NPHP4: variants seen among roughly 807,000 people sequenced by gnomAD.
NPHP4 encodes nephrocystin-4.
A neutral mutation model predicts 155.8 loss-of-function variants in NPHP4; 151 were observed. That is an observed-to-expected ratio of 0.97 (90% CI 0.85 to 1.11). The LOEUF (loss-of-function observed/expected upper bound fraction) is 1.11, where lower values mean the gene tolerates loss of function less well. NPHP4 is among the 50% of genes least tolerant of loss of function. NPHP4 has a pLI of 0.00. For synonymous variants in NPHP4, 845 were observed against 816.8 expected (o/e 1.03, Z -0.59); for missense variants, 1,956 against 1,925.7 (o/e 1.02, Z -0.29).
intron 11 of NPHP4, among the ~76,000 whole-genome samples, chr1:5,912,537 CAAAAAAA>C (rs752371714): frequency 0.063 from 4,916 of 77,888 alleles, 159 homozygotes; most frequent in African/African-American, 0.13. Flanking sequence ...GACTCCGTCT[CAAAAAAA>C]AAAAAAAAAA....
At chr1:5,927,841 C>A in intron 10 of NPHP4, 54 bp from the exon 11 acceptor site, 1 of 1,554,658 alleles carries the variant, frequency 6.4e-7, no homozygotes, top group Non-Finnish European at 8.8e-7. Flanking sequence ...GCACGCCTAT[C>A]AGAACGATCC....
intron 2 of NPHP4, among the ~76,000 whole-genome samples, chr1:5,983,896 C>T (rs117548879): frequency 6.6e-6 from 1 of 152,328 alleles, no homozygotes; most frequent in East Asian, 1.9e-4. Context: ...CACCCTTCTA[C>T]CTGCAACCTG....
chr1:5,987,645 C>A (rs749895727), intron 1 of NPHP4, among the ~76,000 whole-genome samples: 2 of 152,172 alleles, frequency 1.3e-5, no homozygotes, highest in Non-Finnish European at 2.9e-5. Flanking sequence ...TGAGTACACA[C>A]GTTCTTAATT....
intron 11 of NPHP4, among the ~76,000 whole-genome samples, chr1:5,926,091 G>A (rs576353007): frequency 6.6e-6 from 1 of 152,226 alleles, no homozygotes; most frequent in African/African-American, 2.4e-5. Context: ...AGGGATTCTA[G>A]TACAAGGGGG....
chr1:5,934,425 G>A (rs1480883883), intron 9 of NPHP4, among the ~76,000 whole-genome samples: 1 of 152,092 alleles, frequency 6.6e-6, no homozygotes, highest in Admixed American at 6.5e-5. Flanking sequence ...CTTCCACCTG[G>A]GACTTCCAGC....
chr1:5,937,044 C>A (rs1646578599), intron 9 of NPHP4, among the ~76,000 whole-genome samples: 1 of 152,196 alleles, frequency 6.6e-6, no homozygotes, highest in Non-Finnish European at 1.5e-5. Context: ...AGGCCAAGGA[C>A]AGCTAGGAGC....
intron 26 of NPHP4, 33 bp downstream of exon 26, chr1:5,866,340 C>G (rs1641220403): frequency 7.0e-7 from 1 of 1,428,418 alleles, no homozygotes; most frequent in African/African-American, 1.4e-5. Flanking sequence ...TCCTCCGCCA[C>G]CGCCTCCAGG....
At chr1:5,897,059 G>A (rs1292630777) in intron 16 of NPHP4, among the ~76,000 whole-genome samples, 1 of 152,182 alleles carries the variant, frequency 6.6e-6, no homozygotes, top group East Asian at 1.9e-4. Flanking sequence ...TAAAGGGAAA[G>A]AATTAAACCT....
At chr1:5,963,332 T>C (rs979667116) in intron 5 of NPHP4, among the ~76,000 whole-genome samples, 3 of 151,454 alleles carry the variant, frequency 2.0e-5, no homozygotes, top group African/African-American at 7.3e-5. Flanking sequence ...GAGGCAGAGG[T>C]TGCAGTGAGC....
rs778841866 is a variant in NPHP4 at position 5,863,960 on chromosome 1, G to A, written c.4070C>T (p.Pro1357Leu). Residue 1357 changes from proline (P) to leucine (L), a missense_variant, in exon 29 of 30, where the codon CCC becomes CTC. By Grantham distance (98) the Pro-to-Leu change is moderately conservative (BLOSUM62 -3). Coordinates refer to ENST00000378156, the MANE Select transcript of NPHP4 (RefSeq NM_015102.5). ...NKRITYTNPY[P>L]SRRTFHLHSD... ...GTGCAGGTGGAATGTCCTCCGGGAG[G>A]GGTAGGGGTTGGTGTAGGTGATCCT... 6.2e-7 allele frequency: 1 copy of A among 1,613,804 alleles called. No individual in the cohort carries two copies. Among genetic ancestry groups the A allele is most frequent in the Admixed American group, 1.7e-5 (1 of 60,014 alleles).
At chr1:5,964,941 A>ATATATATT in intron 5 of NPHP4, among the ~76,000 whole-genome samples, 5 of 59,422 alleles carry the variant, frequency 8.4e-5, no homozygotes, top group African/African-American at 3.4e-4. Context: ...ATATATATAT[A>ATATATATT]TTTTTTTTTT....
At chr1:5,947,332 G>T in intron 8 of NPHP4, 102 bp from the exon 9 acceptor site, 6 of 1,240,430 alleles carry the variant, frequency 4.8e-6, no homozygotes, top group African/African-American at 1.5e-5. Context: ...ACACCCTGGG[G>T]GACACAGGGG....
intron 3 of NPHP4, among the ~76,000 whole-genome samples, chr1:5,973,166 T>C (rs2102303186): frequency 6.6e-6 from 1 of 152,364 alleles, no homozygotes; most frequent in East Asian, 1.9e-4. Flanking sequence ...ATTACAGGCA[T>C]GAGCCACTGC....
chr1:5,951,369 A>C (rs1648006491), intron 7 of NPHP4, among the ~76,000 whole-genome samples: 1 of 152,236 alleles, frequency 6.6e-6, no homozygotes, highest in African/African-American at 2.4e-5. Context: ...GCTCTCTGCA[A>C]TTAAAGTTTC....
chr1:5,874,848 C>T (rs1181425227), intron 21 of NPHP4, 26 bp downstream of exon 21: 1 of 1,601,540 alleles, frequency 6.2e-7, no homozygotes, highest in Non-Finnish European at 8.6e-7. Context: ...TGGGCTGGGG[C>T]AGGACGGGCA....
chr1:5,880,105 T>G lies in NPHP4; in HGVS notation c.2611+9A>C. 1 of 1,613,614 alleles carries G rather than the reference T, an allele frequency of 6.2e-7. No individual in the cohort carries two copies. The highest frequency in any genetic ancestry group is 8.5e-7 in the Non-Finnish European group (1 of 1,179,746). Reference sequence around the variant, plus strand: ...CCACCCACACATGGGCCCAACAGTGTAAACTCACGCCTTGAGCTTCCAGTC... The same window carrying G: ...CCACCCACACATGGGCCCAACAGTGGAAACTCACGCCTTGAGCTTCCAGTC... On this transcript the variant is annotated intron_variant, in intron 19 of 29. Coordinates refer to ENST00000378156, the MANE Select transcript of NPHP4 (RefSeq NM_015102.5).
intron 3 of NPHP4, among the ~76,000 whole-genome samples, chr1:5,974,351 C>T (rs1653134053): frequency 6.6e-6 from 1 of 152,100 alleles, no homozygotes; most frequent in Non-Finnish European, 1.5e-5. Context: ...GATTCCTGCC[C>T]AGTAACTCCC....
intron 3 of NPHP4, among the ~76,000 whole-genome samples, chr1:5,976,759 T>C (rs1460430054): frequency 6.6e-6 from 1 of 152,086 alleles, no homozygotes; most frequent in East Asian, 1.9e-4. Context: ...CTACTACCCA[T>C]GGGAGGAAGG....
At chr1:5,916,201 G>A (rs1379589280) in intron 11 of NPHP4, among the ~76,000 whole-genome samples, 1 of 152,194 alleles carries the variant, frequency 6.6e-6, no homozygotes, top group Non-Finnish European at 1.5e-5. Flanking sequence ...CTCTTCTGTG[G>A]TAAGTGATGA....
Sources: allele counts gnomAD v4.1 joint callset (sites outside exome capture counted in the v4.1 genomes callset), GRCh38; gene constraint gnomAD v4.1.1; transcripts MANE v1.5; gene names NCBI Gene and HGNC (gene_info 2026-07-23, HGNC 2026-07-21).